Variants in CMTM8 observed in about 807,000 individuals in gnomAD.
CMTM8 encodes the protein CKLF-like MARVEL transmembrane domain-containing protein 8.
CMTM8 carries 12 observed loss-of-function variants against 18.6 expected under a neutral mutation model. The ratio of observed to expected loss-of-function variants is 0.65; its 90% CI spans 0.41 to 1.05. The LOEUF (loss-of-function observed/expected upper bound fraction) is 1.05, where lower values mean the gene tolerates loss of function less well. Ranked by LOEUF, CMTM8 falls within the 50% of genes least tolerant of loss-of-function variation. CMTM8 has a pLI of 0.00. For missense variants in CMTM8, 217 were observed against 227.2 expected (o/e 0.95, Z 0.29); for synonymous variants, 87 against 90.6 (o/e 0.96, Z 0.23).
chr3:32,310,417 C>G (rs1418905704), intron 1 of CMTM8, among the ~76,000 whole-genome samples: 1 of 152,092 alleles, frequency 6.6e-6, no homozygotes, highest in Non-Finnish European at 1.5e-5. Flanking sequence ...TAGAGATCTC[C>G]CATCCAGTAA....
At chr3:32,355,165 T>C (rs1027732755) in intron 1 of CMTM8, among the ~76,000 whole-genome samples, 2 of 152,180 alleles carry the variant, frequency 1.3e-5, no homozygotes, top group Non-Finnish European at 2.9e-5. Context: ...ACCTGTCTGA[T>C]GGCTTCAAGA....
intron 1 of CMTM8, among the ~76,000 whole-genome samples, chr3:32,306,938 G>C (rs1284398987): frequency 1.3e-5 from 2 of 152,258 alleles, no homozygotes; most frequent in African/African-American, 4.8e-5. Flanking sequence ...GCCAGGCACA[G>C]TGTCTCACGC....
chr3:32,240,787 G>GTTTGT (rs1192012687), intron 1 of CMTM8, among the ~76,000 whole-genome samples: 10 of 151,940 alleles, frequency 6.6e-5, no homozygotes, highest in Admixed American at 5.9e-4. Context: ...CACCTTTTTT[G>GTTTGT]TTTGTTTTGT....
chr3:32,260,946 A>G (rs1379897608), intron 1 of CMTM8, among the ~76,000 whole-genome samples: 3 of 152,168 alleles, frequency 2.0e-5, no homozygotes, highest in Non-Finnish European at 2.9e-5. Context: ...TGAAGGTTGG[A>G]TACAGTGGCT....
chr3:32,259,459 GTGCCAGTCTT>G (rs1255390666), intron 1 of CMTM8: 28 of 785,766 alleles, frequency 3.6e-5, no homozygotes. Context: ...AACTGGCCAT[GTGCCAGTCTT>G]TGGAGAATGA....
intron 2 of CMTM8, among the ~76,000 whole-genome samples, chr3:32,364,353 A>T (rs902446421): frequency 1.3e-5 from 2 of 152,112 alleles, no homozygotes; most frequent in African/African-American, 4.8e-5. Context: ...AAATACAAAA[A>T]ATTAGCCAGG....
At chr3:32,303,505 C>T (rs557568571) in intron 1 of CMTM8, among the ~76,000 whole-genome samples, 2 of 152,088 alleles carry the variant, frequency 1.3e-5, no homozygotes, top group African/African-American at 2.4e-5. Flanking sequence ...TAAATTGGGT[C>T]GCTTATCTTC....
intron 1 of CMTM8, among the ~76,000 whole-genome samples, chr3:32,338,106 C>A (rs759722489): frequency 4.0e-5 from 6 of 151,652 alleles, no homozygotes; most frequent in Non-Finnish European, 8.8e-5. Flanking sequence ...GCCTTAGCCT[C>A]CTGAGTAGCT....
chr3:32,349,142 CT>C (rs953304035), intron 1 of CMTM8, among the ~76,000 whole-genome samples: 2 of 151,872 alleles, frequency 1.3e-5, no homozygotes, highest in Non-Finnish European at 2.9e-5. Context: ...TTGGTTTTTG[CT>C]CTCTGCCCTG....
intron 1 of CMTM8, among the ~76,000 whole-genome samples, chr3:32,268,124 G>A (rs936924782): frequency 5.3e-5 from 8 of 152,222 alleles, no homozygotes; most frequent in African/African-American, 1.9e-4. Flanking sequence ...AAATCATGCT[G>A]CTATAAAGAC....
chr3:32,281,804 C>T (rs1199199255), intron 1 of CMTM8, among the ~76,000 whole-genome samples: 1 of 152,196 alleles, frequency 6.6e-6, no homozygotes. Flanking sequence ...CTGAAGGCCA[C>T]ATTGACACAG....
rs374048772 is a variant in CMTM8, at chr3:32,311,545, C to T, written c.148-45828C>T. The stretch of plus-strand genomic sequence containing the variant: ...CCTTTGTGGACCCTTGTGACTATAT[C>T]AGGCTCATCTCGTAATCCAGGAGAA... On this transcript the variant is annotated intron_variant, in intron 1 of 3. Coordinates refer to ENST00000307526, the MANE Select transcript of CMTM8 (RefSeq NM_178868.5). Among the ~76,000 whole-genome samples the T allele has an allele frequency of 9.2e-5, 14 of 152,332 alleles. No homozygotes were observed. In the East Asian group the frequency reaches 2.5e-3, roughly 27 times the overall value.
chr3:32,340,613 A>G (rs1044059064), intron 1 of CMTM8, among the ~76,000 whole-genome samples: 16 of 152,236 alleles, frequency 1.1e-4, no homozygotes, highest in African/African-American at 3.9e-4. Context: ...AACTTTTTCT[A>G]TAAAGGGCCA....
chr3:32,314,587 C>A (rs997166359), intron 1 of CMTM8, among the ~76,000 whole-genome samples: 4 of 151,924 alleles, frequency 2.6e-5, no homozygotes, highest in African/African-American at 9.7e-5. Context: ...TCAATCAATT[C>A]TCATGCCTCA....
Position 32,326,767 on chromosome 3 carries a change from T to C in CMTM8, c.148-30606T>C, listed in dbSNP as rs1214201519. ...CTGACCTCAAGTGATCCACCTACCT[T>C]GGCCTCCCAAAGTGCTAGGATTTCA... On this transcript the variant is annotated intron_variant, in intron 1 of 3. Coordinates refer to ENST00000307526, the MANE Select transcript of CMTM8 (RefSeq NM_178868.5). 2.0e-5 allele frequency among the ~76,000 whole-genome samples: 3 copies of C among 152,108 alleles called. No homozygotes were observed. The East Asian group carries it at 5.8e-4, about 29-fold the overall frequency.
rs1177949113 is a variant in CMTM8, at chr3:32,319,074, A to ATTTTTTTTTT, written c.148-38287_148-38278dup. Among the ~76,000 whole-genome samples the ATTTTTTTTTT allele has an allele frequency of 3.3e-3, 103 of 31,524 alleles. 9 individuals carry two copies. The East Asian group carries it at 0.053, about 16-fold the overall frequency. 20.7% of individuals were successfully genotyped at this position (31,524 alleles called of 152,430 possible). ...TGTATATACATATATATATATATAT[A>ATTTTTTTTTT]TTTTTTTTTTTTTTTTTTTTTGAGA... On this transcript the variant is annotated intron_variant, in intron 1 of 3. Coordinates refer to ENST00000307526, the MANE Select transcript of CMTM8 (RefSeq NM_178868.5).
At chr3:32,355,550 G>A (rs1036448373) in intron 1 of CMTM8, among the ~76,000 whole-genome samples, 29 of 152,012 alleles carry the variant, frequency 1.9e-4, no homozygotes, top group Admixed American at 1.8e-3. Context: ...ATTATTGCAC[G>A]CTCTCTAAAT....
intron 1 of CMTM8, 49 bp downstream of exon 1, chr3:32,239,168 C>A (rs750831698): frequency 7.1e-6 from 11 of 1,541,244 alleles, no homozygotes; most frequent in Non-Finnish European, 9.6e-6. Context: ...TGGACCCCGG[C>A]GCGTGCTTCC....
intron 2 of CMTM8, among the ~76,000 whole-genome samples, chr3:32,363,017 G>C (rs903561298): frequency 1.6e-4 from 21 of 133,944 alleles, no homozygotes; most frequent in Non-Finnish European, 2.2e-4. Context: ...ACAGGAATAA[G>C]AAAAGTAAGT....
Sources: allele counts gnomAD v4.1 joint callset (sites outside exome capture counted in the v4.1 genomes callset), GRCh38; gene constraint gnomAD v4.1.1; transcripts MANE v1.5; gene names NCBI Gene and HGNC (gene_info 2026-07-23, HGNC 2026-07-21).